The following HCK variants were observed in gnomAD, a reference collection of about 807,000 sequenced individuals.
HCK encodes the protein HCK proto-oncogene, Src family tyrosine kinase, also known as tyrosine-protein kinase HCK.
A neutral mutation model predicts 70.4 loss-of-function variants in HCK; 40 were observed. The observed-to-expected ratio is 0.57, with a 90% confidence interval of 0.44 to 0.74. HCK has a LOEUF of 0.74. HCK is among the 30% of genes least tolerant of loss of function. The probability of loss-of-function intolerance (pLI) is 0.00; values close to 1 mark genes in which losing one functional copy is unlikely to be tolerated. For missense variants in HCK, 568 were observed against 697.2 expected, an observed-to-expected ratio of 0.81 and a Z score of 2.09; for synonymous variants, 245 against 263.2, an observed-to-expected ratio of 0.93 and a Z score of 0.67.
intron 7 of HCK, among the ~76,000 whole-genome samples, 159 bp from the exon 8 acceptor site, chr20:32,084,232 G>C (rs763835782): frequency 6.6e-5 from 10 of 152,158 alleles, no homozygotes; most frequent in Non-Finnish European, 1.2e-4. Flanking sequence ...TGTAGAGGTG[G>C]CACCCCGTCA....
At chr20:32,082,453 C>G (rs1041094249) in intron 6 of HCK, among the ~76,000 whole-genome samples, 4 of 152,012 alleles carry the variant, frequency 2.6e-5, no homozygotes, top group African/African-American at 9.6e-5. Flanking sequence ...ACCAGCCTGG[C>G]CAGCATGGTG....
chr20:32,052,577 A>G, intron 1 of HCK, 91 bp downstream of exon 1: 2 of 975,814 alleles, frequency 2.0e-6, no homozygotes, highest in Non-Finnish European at 2.7e-6. Context: ...AGGGCTGGCT[A>G]CGGGTGCGGC....
At position 32,066,331 on chromosome 20, in the gene HCK, T is replaced by TTTTTTTTTTTGA. The variant is rs60044994; in HGVS notation, c.63-5331_63-5330insTTTTTTTTTTGA. 1.3e-3 allele frequency among the ~76,000 whole-genome samples: 107 copies of TTTTTTTTTTTGA among 81,910 alleles called. 26 individuals are homozygous for TTTTTTTTTTTGA. Among genetic ancestry groups the TTTTTTTTTTTGA allele is most frequent in the East Asian group, 2.8e-3 (5 of 1,816 alleles). 53.7% of individuals were successfully genotyped at this position (81,910 alleles called of 152,430 possible). On this transcript the variant is annotated intron_variant, in intron 1 of 12. Coordinates refer to ENST00000375852, the MANE Select transcript of HCK (RefSeq NM_002110.5). ...TTTTTTTTTTTTTTTTTTTTTTTTTTGACAGAGTCTTGCTCTGTTTCCCAG... is the reference window on the plus strand; with the variant it reads ...TTTTTTTTTTTTTTTTTTTTTTTTTTTTTTTTTTTTGAGACAGAGTCTTGCTCTGTTTCCCAG...
intron 1 of HCK, among the ~76,000 whole-genome samples, chr20:32,068,903 C>T (rs2045498876): frequency 6.6e-6 from 1 of 152,128 alleles, no homozygotes; most frequent in Admixed American, 6.5e-5. Context: ...ATGATTACAC[C>T]ACTGCACTCC....
chr20:32,101,318 G>A lies in HCK; in HGVS notation c.1380G>A (p.Gly460=), dbSNP rs754972134. The A allele has an allele frequency of 6.2e-7, 1 of 1,613,750 alleles. No individual in the cohort carries two copies. The highest frequency in any genetic ancestry group is 8.5e-7 in the Non-Finnish European group (1 of 1,179,850). The change falls in exon 13 of 13, where the codon GGG becomes GGA. Residue 460 remains glycine (G), a splice_region_variant and synonymous_variant. Coordinates refer to ENST00000375852, the MANE Select transcript of HCK (RefSeq NM_002110.5). Reference sequence around the variant, plus strand: ...TCTAATTCCACGGCTCCTTTTCAGGGATGTCAAACCCTGAAGTGATCCGAG... The same window carrying A: ...TCTAATTCCACGGCTCCTTTTCAGGAATGTCAAACCCTGAAGTGATCCGAG...
intron 5 of HCK, among the ~76,000 whole-genome samples, chr20:32,078,879 A>AG (rs377179319): frequency 3.3e-4 from 44 of 134,970 alleles, no homozygotes; most frequent in East Asian, 4.2e-4. Flanking sequence ...AAAAAAAAAA[A>AG]GGGGGGGAAT....
chr20:32,096,323 C>G (rs955729687), intron 11 of HCK, among the ~76,000 whole-genome samples: 3 of 151,556 alleles, frequency 2.0e-5, no homozygotes, highest in African/African-American at 7.3e-5. Context: ...ATGGTGAAAC[C>G]CTGTCTCTAC....
intron 12 of HCK, among the ~76,000 whole-genome samples, chr20:32,100,646 T>C (rs953115540): frequency 1.3e-5 from 2 of 152,150 alleles, no homozygotes; most frequent in Non-Finnish European, 2.9e-5. Flanking sequence ...AGACTAATAA[T>C]ATAAAATTGG....
At chr20:32,062,684 T>A (rs1367786683) in intron 1 of HCK, among the ~76,000 whole-genome samples, 1 of 152,036 alleles carries the variant, frequency 6.6e-6, no homozygotes, top group Non-Finnish European at 1.5e-5. Context: ...TTGAGCTCTA[T>A]GAGAAAGAAG....
intron 5 of HCK, among the ~76,000 whole-genome samples, chr20:32,076,911 C>A (rs935120537): frequency 5.3e-5 from 8 of 151,958 alleles, no homozygotes; most frequent in African/African-American, 1.7e-4. Flanking sequence ...CATGGTGATA[C>A]CCTGCCTCTA....
chr20:32,062,309 A>C (rs1175683995), intron 1 of HCK, among the ~76,000 whole-genome samples: 2 of 152,066 alleles, frequency 1.3e-5, no homozygotes, highest in African/African-American at 4.8e-5. Context: ...GCTCTATCTG[A>C]CTTCAAATCT....
chr20:32,086,860 C>A (rs976130199), intron 9 of HCK, 53 bp downstream of exon 9: 5 of 1,469,344 alleles, frequency 3.4e-6, no homozygotes, highest in Non-Finnish European at 4.5e-6. Context: ...TGGTCAATTG[C>A]GGGCCCAAGG....
intron 9 of HCK, among the ~76,000 whole-genome samples, chr20:32,087,645 ATT>A (rs879360716): frequency 6.9e-6 from 1 of 144,340 alleles, no homozygotes; most frequent in Non-Finnish European, 1.5e-5. Flanking sequence ...TTCTAAAAAA[ATT>A]TTTTTTTTTT....
chr20:32,084,648 C>T, intron 8 of HCK, 105 bp downstream of exon 8: 1 of 1,021,560 alleles, frequency 9.8e-7, no homozygotes, highest in Non-Finnish European at 1.4e-6. Context: ...CTACCCAAGG[C>T]AGAGGGGGAG....
Position 32,101,344 on chromosome 20 carries a change from C to A in HCK, c.1406C>A (p.Ala469Asp), listed in dbSNP as rs752297827. Residue 469 changes from alanine to aspartate, a missense_variant, in exon 13 of 13, where the codon GCT (alanine) becomes GAT (aspartate). Coordinates refer to ENST00000375852, the MANE Select transcript of HCK (RefSeq NM_002110.5). ...ATGTCAAACCCTGAAGTGATCCGAG[C>A]TCTGGAGCGTGGATACCGGATGCCT... 4 of 1,614,192 alleles carry A rather than the reference C, an allele frequency of 2.5e-6. No individual in the cohort carries two copies. The highest frequency in any genetic ancestry group is 3.4e-6 in the Non-Finnish European group (4 of 1,180,024).
chr20:32,089,061 C>T (rs2045829040), intron 10 of HCK, among the ~76,000 whole-genome samples: 1 of 152,226 alleles, frequency 6.6e-6, no homozygotes, highest in South Asian at 2.1e-4. Flanking sequence ...CTCCACATAG[C>T]CCCTCACCAC....
Position 32,067,825 on chromosome 20 carries a change from A to G in HCK, c.63-3837A>G, listed in dbSNP as rs1353806005. 6.6e-5 allele frequency among the ~76,000 whole-genome samples: 10 copies of G among 152,208 alleles called. No individual in the cohort carries two copies. In the East Asian group the frequency reaches 1.7e-3, roughly 26 times the overall value. On this transcript the variant is annotated intron_variant, in intron 1 of 12. Coordinates refer to ENST00000375852, the MANE Select transcript of HCK (RefSeq NM_002110.5). ...ATAGCTGAGATGTGCTCTAACAGTA[A>G]AATCCACACTGAGATGTGAAGGCTT...
intron 10 of HCK, among the ~76,000 whole-genome samples, chr20:32,088,924 C>T (rs768025373): frequency 3.3e-5 from 5 of 152,188 alleles, no homozygotes; most frequent in Non-Finnish European, 7.3e-5. Context: ...ATTGTTATTT[C>T]TCATGATCCT....
chr20:32,076,512 C>T (rs139661210), intron 5 of HCK, among the ~76,000 whole-genome samples: 2 of 152,094 alleles, frequency 1.3e-5, no homozygotes, highest in East Asian at 1.9e-4. Context: ...ATGGAGGAGG[C>T]GTGGCTGGCA....
Sources: gnomAD v4.1 joint callset for allele counts (sites outside exome capture counted in the v4.1 genomes callset) on GRCh38, gnomAD v4.1.1 for gene constraint, MANE v1.5 for transcripts, NCBI Gene and HGNC (gene_info 2026-07-23, HGNC 2026-07-21) for gene names.